The following USH2A variants were observed in gnomAD, a reference collection of about 807,000 sequenced individuals.
USH2A encodes usherin, also known as Usher syndrome 2A (autosomal recessive, mild).
USH2A carries 443 observed loss-of-function variants against 538.9 expected under a neutral mutation model. That is an observed-to-expected ratio of 0.82 (90% CI 0.76 to 0.89). USH2A has a LOEUF of 0.89. USH2A is among the 40% of genes least tolerant of loss of function. The pLI is 0.00. For missense variants in USH2A, 6,633 were observed against 6,324.8 expected (o/e 1.05, Z -1.65); for synonymous variants, 2,413 against 2,273.5 (o/e 1.06, Z -1.75).
chr1:216,392,086 T>C (rs2039120045), intron 3 of USH2A, among the ~76,000 whole-genome samples: 1 of 152,214 alleles, frequency 6.6e-6, no homozygotes. Flanking sequence ...ATTTTTAACA[T>C]GCTATGTAAG....
chr1:215,991,293 A>G (rs2102475161), intron 35 of USH2A, among the ~76,000 whole-genome samples: 1 of 152,298 alleles, frequency 6.6e-6, no homozygotes, highest in East Asian at 1.9e-4. Flanking sequence ...AGTAACCTGA[A>G]TACCAGACTA....
Position 215,799,111 on chromosome 1 carries a change from G to C in USH2A, c.9754C>G (p.Pro3252Ala). 1 of 1,613,668 alleles carries C rather than the reference G, an allele frequency of 6.2e-7. No homozygotes were observed. The highest frequency in any genetic ancestry group is 8.5e-7 in the Non-Finnish European group (1 of 1,179,806). Residue 3252 changes from proline (P) to alanine (A), a missense_variant, in exon 50 of 72, where the codon CCA (proline) becomes GCA (alanine). Coordinates refer to ENST00000307340, the MANE Select transcript of USH2A (RefSeq NM_206933.4). ...GAAACCCGATTGTGCTGTTCATCTG[G>C]ACAGCATACTTCACCTGTCAATTTA... ...ARILPGEVCC[P>A]DEQHNRVSVG...
chr1:216,182,643 T>G (rs1420493763), intron 20 of USH2A, among the ~76,000 whole-genome samples: 2 of 152,124 alleles, frequency 1.3e-5, no homozygotes, highest in Non-Finnish European at 2.9e-5. Flanking sequence ...GGTAATTCCA[T>G]CTAATAGTGC....
chr1:216,203,121 T>A (rs2035034440), intron 16 of USH2A, among the ~76,000 whole-genome samples: 1 of 152,116 alleles, frequency 6.6e-6, no homozygotes, highest in African/African-American at 2.4e-5. Flanking sequence ...CAGGAAAGAA[T>A]ATAGTAGTCC....
chr1:216,292,244 C>A lies in USH2A; in HGVS notation c.1771G>T (p.Asp591Tyr). Residue 591 changes from aspartate (D) to tyrosine (Y), a missense_variant, in exon 10 of 72, where the codon GAC (aspartate) becomes TAC (tyrosine). Asp to Tyr is a radical substitution (Grantham distance 160). Coordinates refer to ENST00000307340, the MANE Select transcript of USH2A (RefSeq NM_206933.4). ...CTGAAGTGCTCAAAAGGAAATGGGT[C>A]TACAGAGATGTTGTAATGGCAGCTT... ...SKSCHYNISV[D>Y]PFPFEHFRGG... is the part of the protein sequence containing the mutation. 3 of 1,614,074 alleles carry A rather than the reference C, an allele frequency of 1.9e-6. No homozygotes were observed. The highest frequency in any genetic ancestry group is 2.2e-5 in the South Asian group (2 of 91,076).
intron 11 of USH2A, among the ~76,000 whole-genome samples, chr1:216,254,253 G>T (rs142238646): frequency 6.6e-6 from 1 of 151,914 alleles, no homozygotes; most frequent in Non-Finnish European, 1.5e-5. Context: ...GTTAACTTTA[G>T]TCAGTTTCCC....
At chr1:215,969,408 C>T (rs1667436647) in intron 36 of USH2A, among the ~76,000 whole-genome samples, 1 of 152,142 alleles carries the variant, frequency 6.6e-6, no homozygotes, top group Non-Finnish European at 1.5e-5. Context: ...GTTGATAATG[C>T]AGGTCCCCCT....
At chr1:215,741,673 A>G in intron 59 of USH2A, 136 bp from the exon 60 acceptor site, 1 of 988,770 alleles carries the variant, frequency 1.0e-6, no homozygotes, top group Non-Finnish European at 1.4e-6. Context: ...CATGTGTTTT[A>G]AATAAATTTT....
At chr1:216,028,421 T>TAAAA (rs909280743) in intron 32 of USH2A, among the ~76,000 whole-genome samples, 1 of 151,724 alleles carries the variant, frequency 6.6e-6, no homozygotes, top group African/African-American at 2.4e-5. Flanking sequence ...AATAAATAAA[T>TAAAA]AAAAATATTC....
At chr1:215,739,068 T>C (rs1660231314) in intron 60 of USH2A, among the ~76,000 whole-genome samples, 2 of 152,312 alleles carry the variant, frequency 1.3e-5, no homozygotes, top group South Asian at 4.1e-4. Flanking sequence ...TAGGTGAATA[T>C]AACGATTGTA....
At chr1:216,257,820 A>G (rs1558348085) in intron 11 of USH2A, among the ~76,000 whole-genome samples, 2 of 152,016 alleles carry the variant, frequency 1.3e-5, no homozygotes, top group African/African-American at 2.4e-5. Flanking sequence ...TATAACATAA[A>G]TGTTTTATGT....
At chr1:216,370,987 G>A (rs12117042) in intron 3 of USH2A, among the ~76,000 whole-genome samples, 14 of 152,132 alleles carry the variant, frequency 9.2e-5, no homozygotes, top group African/African-American at 3.4e-4. Context: ...TGCCTTCCCA[G>A]ATCGCTGCTT....
chr1:215,823,943 A>G (rs1053095554), intron 47 of USH2A, among the ~76,000 whole-genome samples: 2 of 151,910 alleles, frequency 1.3e-5, no homozygotes, highest in Admixed American at 1.3e-4. Context: ...TATCTTATGT[A>G]CTATCTTGGT....
chr1:215,683,718 C>T (rs1658320359), intron 61 of USH2A, among the ~76,000 whole-genome samples: 1 of 152,090 alleles, frequency 6.6e-6, no homozygotes, highest in Admixed American at 6.6e-5. Context: ...CTTCCTTTCT[C>T]TTTCTTCTTA....
chr1:215,985,030 C>T (rs184165576), intron 35 of USH2A, among the ~76,000 whole-genome samples: 5 of 152,274 alleles, frequency 3.3e-5, no homozygotes, highest in African/African-American at 9.6e-5. Context: ...ACCTGACAAA[C>T]TGACTGGAGG....
chr1:216,231,848 G>T, intron 14 of USH2A, 105 bp downstream of exon 14: 2 of 1,425,174 alleles, frequency 1.4e-6, no homozygotes, highest in Non-Finnish European at 2.0e-6. Flanking sequence ...CCACCAAGCC[G>T]GGCAAAAAAA....
intron 32 of USH2A, among the ~76,000 whole-genome samples, chr1:216,009,560 C>T (rs989388353): frequency 6.6e-6 from 1 of 152,206 alleles, no homozygotes; most frequent in South Asian, 2.1e-4. Context: ...TGCAACTCGT[C>T]CCAAATCTTC....
At chr1:215,859,823 T>C (rs1056693081) in intron 44 of USH2A, among the ~76,000 whole-genome samples, 3 of 152,198 alleles carry the variant, frequency 2.0e-5, no homozygotes, top group Non-Finnish European at 4.4e-5. Context: ...TTACATGGCC[T>C]TAAATTATTG....
chr1:216,291,934 A>AAAC (rs774347249), intron 10 of USH2A, among the ~76,000 whole-genome samples: 22 of 152,186 alleles, frequency 1.4e-4, no homozygotes, highest in Non-Finnish European at 3.1e-4. Flanking sequence ...AAACAAAACA[A>AAAC]AACAACAACA....
Sources: gnomAD v4.1 joint callset for allele counts (sites outside exome capture counted in the v4.1 genomes callset) on GRCh38, gnomAD v4.1.1 for gene constraint, MANE v1.5 for transcripts, NCBI Gene and HGNC (gene_info 2026-07-23, HGNC 2026-07-21) for gene names.